The following KIF21A variants were observed in gnomAD, a reference collection of about 807,000 sequenced individuals.
KIF21A encodes kinesin family member 21A.
A neutral mutation model predicts 202.9 loss-of-function variants in KIF21A; 114 were observed. The ratio of observed to expected loss-of-function variants is 0.56; its 90% CI spans 0.48 to 0.66. The LOEUF is 0.66. Among genes scored for constraint, KIF21A ranks in the 30% least tolerant of loss-of-function variants. The probability of loss-of-function intolerance (pLI) is 0.00; values close to 1 mark genes in which losing one functional copy is unlikely to be tolerated. For synonymous variants in KIF21A, 667 were observed against 670.8 expected, an observed-to-expected ratio of 0.99 and a Z score of 0.09; for missense variants, 1,677 against 1,994.9, an observed-to-expected ratio of 0.84 and a Z score of 3.04.
intron 1 of KIF21A, among the ~76,000 whole-genome samples, chr12:39,423,970 C>A (rs1455295498): frequency 2.0e-5 from 2 of 100,578 alleles, no homozygotes; most frequent in Non-Finnish European, 3.6e-5. Context: ...GGGGACAGAG[C>A]AAGACTCTGT....
intron 1 of KIF21A, among the ~76,000 whole-genome samples, chr12:39,387,022 A>T (rs987923879): frequency 2.0e-5 from 3 of 152,056 alleles, no homozygotes; most frequent in African/African-American, 7.2e-5. Flanking sequence ...ATTGCAGAAC[A>T]CAAAGTCCAA....
chr12:39,424,881 T>C (rs1387034623), intron 1 of KIF21A, among the ~76,000 whole-genome samples: 1 of 152,190 alleles, frequency 6.6e-6, no homozygotes, highest in African/African-American at 2.4e-5. Context: ...GTCACATCTC[T>C]ACTTGAAGCT....
At chr12:39,314,881 T>C (rs1358279486) in intron 31 of KIF21A, among the ~76,000 whole-genome samples, 1 of 151,848 alleles carries the variant, frequency 6.6e-6, no homozygotes, top group Non-Finnish European at 1.5e-5. Context: ...TTATTCAGTC[T>C]TTTGAGAAAA....
At chr12:39,431,480 T>A (rs1288930460) in intron 1 of KIF21A, among the ~76,000 whole-genome samples, 2 of 152,156 alleles carry the variant, frequency 1.3e-5, no homozygotes, top group African/African-American at 4.8e-5. Context: ...TAATTAATAA[T>A]AAGTCTGGAG....
At position 39,442,047 on chromosome 12, in the gene KIF21A, A is replaced by G. The variant is rs1435863572; in HGVS notation, c.44+880T>C. On this transcript the variant is annotated intron_variant, in intron 1 of 37. Transcript: ENST00000361418. The surrounding 1 kb of genome is among the most constrained non-coding windows in gnomAD (Gnocchi z 5.0). ...GCAACTATCAGAGCTTTCCTTCTTG[A>G]TAAGTATCAAAACAGCCGAAATTAC... is the stretch of plus-strand genomic sequence containing the variant. 2.6e-5 allele frequency among the ~76,000 whole-genome samples: 4 copies of G among 152,148 alleles called. No homozygotes were observed. Among genetic ancestry groups the G allele is most frequent in the East Asian group, 1.9e-4 (1 of 5,194 alleles).
At chr12:39,428,870 A>G (rs1954966087) in intron 1 of KIF21A, among the ~76,000 whole-genome samples, 1 of 151,924 alleles carries the variant, frequency 6.6e-6, no homozygotes, top group African/African-American at 2.4e-5. Context: ...AGGCAGGAGA[A>G]TCACTTGAAC....
At chr12:39,336,108 G>A (rs898723193) in intron 17 of KIF21A, among the ~76,000 whole-genome samples, 1 of 152,124 alleles carries the variant, frequency 6.6e-6, no homozygotes, top group African/African-American at 2.4e-5. Context: ...CAAAGAGGCA[G>A]TCTTGCTGTG....
At chr12:39,430,252 T>A (rs749677580) in intron 1 of KIF21A, among the ~76,000 whole-genome samples, 3 of 151,572 alleles carry the variant, frequency 2.0e-5, no homozygotes, top group Non-Finnish European at 4.4e-5. Context: ...CTTTTTTCCA[T>A]AAGTCATGCT....
At chr12:39,309,225 C>T (rs1325326258) in intron 33 of KIF21A, among the ~76,000 whole-genome samples, 1 of 151,890 alleles carries the variant, frequency 6.6e-6, no homozygotes, top group East Asian at 1.9e-4. Flanking sequence ...CAGCCATTTC[C>T]CAAGGAATGG....
Position 39,332,895 on chromosome 12 carries a change from G to T in KIF21A, c.2700C>A (p.Asn900Lys), listed in dbSNP as rs753468576. 2 of 1,613,262 alleles carry T rather than the reference G, an allele frequency of 1.2e-6. No individual in the cohort carries two copies. Among genetic ancestry groups the T allele is most frequent in the Non-Finnish European group, 1.7e-6 (2 of 1,179,690 alleles). ...AGCAGGAACAGAATTATGTAGACCT[G>T]TTTCCATTTGTTGCCGGCGTTGGTA... ...QALPTPATNG[N>K]RKKYQRKGLT... The change falls in exon 19 of 38, where the codon AAC becomes AAA. Residue 900 changes from asparagine to lysine, a missense_variant and splice_region_variant. Physicochemically the swap from Asn to Lys is moderately conservative, Grantham distance 94. Coordinates refer to ENST00000361418, the MANE Select transcript of KIF21A (RefSeq NM_001173464.2).
At chr12:39,299,490 T>C (rs1942756223) in intron 37 of KIF21A, among the ~76,000 whole-genome samples, 1 of 152,188 alleles carries the variant, frequency 6.6e-6, no homozygotes, top group Non-Finnish European at 1.5e-5. Context: ...GGAACACTTA[T>C]ACACTGGTTA....
At chr12:39,299,213 C>T (rs1316739392) in intron 37 of KIF21A, among the ~76,000 whole-genome samples, 1 of 151,996 alleles carries the variant, frequency 6.6e-6, no homozygotes, top group Admixed American at 6.6e-5. Context: ...AACTATGAAT[C>T]TGACAAAGGT....
intron 26 of KIF21A, among the ~76,000 whole-genome samples, chr12:39,325,545 G>A (rs931262725): frequency 5.3e-5 from 7 of 132,622 alleles, no homozygotes; most frequent in Non-Finnish European, 9.3e-5. Flanking sequence ...GGTTTTCGCC[G>A]TGTTAGTCAG....
chr12:39,314,081 G>A (rs1944286651), intron 31 of KIF21A, among the ~76,000 whole-genome samples: 1 of 151,718 alleles, frequency 6.6e-6, no homozygotes, highest in Admixed American at 6.6e-5. Context: ...AAAAAGGGCT[G>A]ATGAAGACTA....
chr12:39,415,406 A>AT (rs1468165572), intron 1 of KIF21A, among the ~76,000 whole-genome samples: 32 of 151,382 alleles, frequency 2.1e-4, no homozygotes, highest in Admixed American at 1.7e-3. Flanking sequence ...CGCCCGGCTA[A>AT]TTTTTTTGTA....
chr12:39,340,967 C>A lies in KIF21A; in HGVS notation c.2049G>T (p.Met683Ile). 2 of 1,613,346 alleles carry A rather than the reference C, an allele frequency of 1.2e-6. No homozygotes were observed. Among genetic ancestry groups the A allele is most frequent in the African/African-American group, 2.7e-5 (2 of 75,010 alleles). ...TLKKQYEEKL[M>I]MLQHKIRDTQ... ...TATCCCGAATTTTATGTTGCAGCAT[C>A]ATTAGCTTCTCTTCATACTGCTTTT... The change falls in exon 15 of 38, where the codon ATG (methionine) becomes ATT (isoleucine). Residue 683 changes from methionine to isoleucine, a missense_variant. Physicochemically the swap from Met to Ile is conservative, Grantham distance 10. Transcript: ENST00000361418.
At chr12:39,398,331 G>C (rs999391324) in intron 1 of KIF21A, among the ~76,000 whole-genome samples, 2 of 152,188 alleles carry the variant, frequency 1.3e-5, no homozygotes, top group African/African-American at 4.8e-5. Flanking sequence ...CGGACATGGT[G>C]GTTCATGCCT....
At chr12:39,388,081 C>T (rs924951086) in intron 1 of KIF21A, among the ~76,000 whole-genome samples, 1 of 152,136 alleles carries the variant, frequency 6.6e-6, no homozygotes, top group Non-Finnish European at 1.5e-5. Flanking sequence ...CTCCCACAAA[C>T]TTCTGGTTGA....
intron 6 of KIF21A, among the ~76,000 whole-genome samples, chr12:39,363,834 A>T (rs1302962152): frequency 6.6e-6 from 1 of 152,234 alleles, no homozygotes; most frequent in Non-Finnish European, 1.5e-5. Context: ...CCCGACCAAC[A>T]TGGGGAAACC....
Sources: allele counts gnomAD v4.1 joint callset (sites outside exome capture counted in the v4.1 genomes callset), GRCh38; gene constraint gnomAD v4.1.1; non-coding constraint Gnocchi (gnomAD v3.1); transcripts MANE v1.5; gene names NCBI Gene and HGNC (gene_info 2026-07-23, HGNC 2026-07-21).